CACNB4: variants seen among roughly 807,000 people sequenced by gnomAD.
The protein encoded by CACNB4 is voltage-dependent L-type calcium channel subunit beta-4.
A neutral mutation model predicts 71.2 loss-of-function variants in CACNB4; 32 were observed. The observed-to-expected ratio is 0.45, with a 90% CI of 0.34 to 0.60. The LOEUF (loss-of-function observed/expected upper bound fraction) is 0.60. Ranked by LOEUF, CACNB4 falls within the 20% of genes least tolerant of loss-of-function variation. The pLI is 0.01. For synonymous variants in CACNB4, 231 were observed against 236.9 expected, an observed-to-expected ratio of 0.97 and a Z score of 0.23; for missense variants, 464 against 647.9, an observed-to-expected ratio of 0.72 and a Z score of 3.08.
chr2:151,906,587 A>C (rs2151521161), intron 2 of CACNB4, among the ~76,000 whole-genome samples: 1 of 152,314 alleles, frequency 6.6e-6, no homozygotes, highest in Middle Eastern at 3.4e-3. Context: ...ATGGAGAATA[A>C]AGGTGAGATG....
intron 2 of CACNB4, among the ~76,000 whole-genome samples, chr2:151,957,014 G>A (rs1252178088): frequency 2.6e-5 from 4 of 152,100 alleles, no homozygotes; most frequent in Admixed American, 2.6e-4. Context: ...TTAGCTGGGC[G>A]TGGTGATGCA....
intron 2 of CACNB4, among the ~76,000 whole-genome samples, chr2:151,934,653 A>G (rs1052307022): frequency 6.6e-6 from 1 of 152,136 alleles, no homozygotes; most frequent in Non-Finnish European, 1.5e-5. Context: ...CCTTGCCAAC[A>G]TGGTGAAACC....
At chr2:152,017,406 A>G (rs1683401553) in intron 2 of CACNB4, among the ~76,000 whole-genome samples, 1 of 147,514 alleles carries the variant, frequency 6.8e-6, no homozygotes, top group Admixed American at 6.6e-5. Context: ...AACAGAAGGA[A>G]GCCTTAAAAA....
chr2:151,957,257 C>CGTGT (rs1553791572), intron 2 of CACNB4, among the ~76,000 whole-genome samples: 7,087 of 131,712 alleles, frequency 0.054, 296 homozygotes, highest in South Asian at 0.13. Flanking sequence ...AGTGGCTGGG[C>CGTGT]GTGTGTGTGT....
chr2:152,012,529 G>A (rs909662921), intron 2 of CACNB4, among the ~76,000 whole-genome samples: 2 of 151,558 alleles, frequency 1.3e-5, no homozygotes, highest in African/African-American at 4.9e-5. Flanking sequence ...GCTTGAACCC[G>A]GGAGGCGGAG....
At chr2:152,094,291 A>C (rs1409789222) in intron 2 of CACNB4, among the ~76,000 whole-genome samples, 1 of 152,210 alleles carries the variant, frequency 6.6e-6, no homozygotes, top group Non-Finnish European at 1.5e-5. Flanking sequence ...TGCCACACAG[A>C]GGGCTCAGCA....
At chr2:151,959,982 C>T (rs1417538665) in intron 2 of CACNB4, among the ~76,000 whole-genome samples, 1 of 152,202 alleles carries the variant, frequency 6.6e-6, no homozygotes, top group African/African-American at 2.4e-5. Flanking sequence ...GTTACAAGAT[C>T]TGCCTCACCG....
At chr2:151,953,508 T>C (rs1049425205) in intron 2 of CACNB4, among the ~76,000 whole-genome samples, 1 of 152,240 alleles carries the variant, frequency 6.6e-6, no homozygotes, top group African/African-American at 2.4e-5. Flanking sequence ...ACTTTTTTTA[T>C]GCCTAGAAAA....
intron 2 of CACNB4, among the ~76,000 whole-genome samples, chr2:152,012,598 C>T (rs1398156932): frequency 1.2e-4 from 13 of 112,284 alleles, no homozygotes; most frequent in Non-Finnish European, 2.1e-4. Context: ...AGCGACGCTC[C>T]ATCTCAAAAA....
chr2:152,088,143 A>T (rs1393041467), intron 2 of CACNB4, among the ~76,000 whole-genome samples: 1 of 148,730 alleles, frequency 6.7e-6, no homozygotes, highest in African/African-American at 2.5e-5. Flanking sequence ...CCCACTTAAC[A>T]CACACACACA....
intron 12 of CACNB4, chr2:151,852,072 G>A (rs1232424199): frequency 1.3e-5 from 2 of 152,162 alleles, no homozygotes; most frequent in Admixed American, 1.3e-4. Flanking sequence ...GTGTATGGGT[G>A]GATGGGTTAG....
At chr2:151,960,380 A>C (rs2099869358) in intron 2 of CACNB4, among the ~76,000 whole-genome samples, 1 of 152,144 alleles carries the variant, frequency 6.6e-6, no homozygotes. Context: ...AGCTCTCACC[A>C]CTGAGAACAG....
chr2:151,876,033 C>T (rs2099846147), intron 5 of CACNB4, among the ~76,000 whole-genome samples: 1 of 151,356 alleles, frequency 6.6e-6, no homozygotes, highest in African/African-American at 2.4e-5. Context: ...CTCCTCACTT[C>T]CCAGTAGGGG....
chr2:151,916,563 T>C (rs1329134015), intron 2 of CACNB4, among the ~76,000 whole-genome samples: 1 of 152,202 alleles, frequency 6.6e-6, no homozygotes, highest in Non-Finnish European at 1.5e-5. Context: ...AAATCTTATC[T>C]TGATTACAAA....
chr2:152,093,498 C>G (rs1341245121), intron 2 of CACNB4, among the ~76,000 whole-genome samples: 4 of 151,726 alleles, frequency 2.6e-5, no homozygotes, highest in African/African-American at 9.7e-5. Flanking sequence ...TCTGTTTTCT[C>G]TTTTGTTGCA....
chr2:151,863,737 G>GA (rs766420078), intron 9 of CACNB4, among the ~76,000 whole-genome samples: 12 of 152,004 alleles, frequency 7.9e-5, no homozygotes, highest in African/African-American at 2.9e-4. Context: ...AAAAAATTCA[G>GA]AAAAAAACCT....
chr2:152,012,782 T>C (rs1683133968), intron 2 of CACNB4, among the ~76,000 whole-genome samples: 2 of 151,722 alleles, frequency 1.3e-5, no homozygotes, highest in Non-Finnish European at 2.9e-5. Flanking sequence ...TAAGCTAAGG[T>C]TGATTTATTA....
intron 2 of CACNB4, among the ~76,000 whole-genome samples, chr2:152,028,149 C>T (rs1016939363): frequency 6.6e-6 from 1 of 152,086 alleles, no homozygotes; most frequent in Non-Finnish European, 1.5e-5. Flanking sequence ...AGGGCATGAC[C>T]TACAATCCCC....
chr2:151,872,684 GC>G, intron 5 of CACNB4, 191 bp from the exon 6 acceptor site: 1 of 468,854 alleles, frequency 2.1e-6, no homozygotes, highest in Non-Finnish European at 3.7e-6. Context: ...TGGAGAACTA[GC>G]CGAGACCTGG....
Sources: allele counts gnomAD v4.1 joint callset (sites outside exome capture counted in the v4.1 genomes callset), GRCh38; gene constraint gnomAD v4.1.1; transcripts MANE v1.5; gene names NCBI Gene and HGNC (gene_info 2026-07-23, HGNC 2026-07-21).